The following COL25A1 variants were observed in gnomAD, a reference collection of about 807,000 sequenced individuals.
The protein encoded by COL25A1 is collagen alpha-1(XXV) chain.
A neutral mutation model predicts 128.4 loss-of-function variants in COL25A1; 103 were observed. The ratio of observed to expected loss-of-function variants is 0.80; its 90% confidence interval spans 0.68 to 0.94. The LOEUF is 0.94. Ranked by LOEUF, COL25A1 falls within the 40% of genes least tolerant of loss-of-function variation. The pLI is 0.00. For synonymous variants in COL25A1, 279 were observed against 277.2 expected (o/e 1.01, Z -0.06); for missense variants, 745 against 840.0 (o/e 0.89, Z 1.40).
At chr4:109,276,492 T>C (rs1202766657) in intron 3 of COL25A1, among the ~76,000 whole-genome samples, 2 of 152,066 alleles carry the variant, frequency 1.3e-5, no homozygotes, top group Non-Finnish European at 2.9e-5. Context: ...TAACTATTTA[T>C]AGTATAATTC....
At chr4:109,099,539 A>G (rs1219264852) in intron 3 of COL25A1, among the ~76,000 whole-genome samples, 1 of 152,018 alleles carries the variant, frequency 6.6e-6, no homozygotes, top group Admixed American at 6.6e-5. Context: ...AAATAGAATT[A>G]TGGAACTTGT....
chr4:108,964,665 T>C (rs1197730423), intron 8 of COL25A1, among the ~76,000 whole-genome samples: 1 of 152,088 alleles, frequency 6.6e-6, no homozygotes, highest in Non-Finnish European at 1.5e-5. Flanking sequence ...ACATCTACCA[T>C]TGTTTGTAAA....
chr4:109,195,215 C>G (rs1775930587), intron 3 of COL25A1, among the ~76,000 whole-genome samples: 1 of 152,174 alleles, frequency 6.6e-6, no homozygotes, highest in Non-Finnish European at 1.5e-5. Flanking sequence ...CCACTGGTCC[C>G]AGGAGGATGA....
At chr4:108,993,176 C>T (rs980942778) in intron 6 of COL25A1, among the ~76,000 whole-genome samples, 15 of 152,128 alleles carry the variant, frequency 9.9e-5, no homozygotes, top group Admixed American at 2.6e-4. Context: ...AACATCATCC[C>T]ACACTCCCAC....
intron 3 of COL25A1, among the ~76,000 whole-genome samples, chr4:109,174,680 T>A (rs973847040): frequency 7.9e-5 from 12 of 152,166 alleles, no homozygotes; most frequent in African/African-American, 2.9e-4. Flanking sequence ...TGTTCCACCA[T>A]CCCCAGAACT....
intron 3 of COL25A1, among the ~76,000 whole-genome samples, chr4:109,164,804 TATTG>T (rs1244644431): frequency 2.6e-5 from 4 of 152,240 alleles, no homozygotes; most frequent in Non-Finnish European, 2.9e-5. Flanking sequence ...TGCTTTATGA[TATTG>T]ATTAACAATA....
At chr4:109,214,177 C>T (rs1777804015) in intron 3 of COL25A1, among the ~76,000 whole-genome samples, 1 of 152,042 alleles carries the variant, frequency 6.6e-6, no homozygotes, top group Admixed American at 6.6e-5. Context: ...TCTGTGTCCT[C>T]AGCCTCATAA....
chr4:109,260,598 C>A (rs913775275), intron 3 of COL25A1, among the ~76,000 whole-genome samples: 1 of 152,128 alleles, frequency 6.6e-6, no homozygotes, highest in African/African-American at 2.4e-5. Context: ...CAGGTTCAAG[C>A]CATTCTCCTG....
Position 108,940,561 on chromosome 4 carries a change from G to A in COL25A1, c.650C>T (p.Pro217Leu). ...CACGGGTACTCCTGGCATTCCACGGGGGCCATCTTTCCCTGTGTCCCCAGG... is the reference window on the plus strand; with the variant it reads ...CACGGGTACTCCTGGCATTCCACGGAGGCCATCTTTCCCTGTGTCCCCAGG... ...GPPGDTGKDGPRGMPGVPGEP... is the reference protein window; with the variant it reads ...GPPGDTGKDGLRGMPGVPGEP... Residue 217 changes from proline to leucine, a missense_variant, in exon 10 of 38, where the codon CCC (proline) becomes CTC (leucine). Physicochemically the swap from Pro to Leu is moderately conservative, Grantham distance 98. Coordinates refer to ENST00000399132, the MANE Select transcript of COL25A1 (RefSeq NM_198721.4). 6.2e-7 allele frequency: 1 copy of A among 1,613,902 alleles called. No homozygotes were observed. Among genetic ancestry groups the A allele is most frequent in the Non-Finnish European group, 8.5e-7 (1 of 1,179,828 alleles).
intron 3 of COL25A1, among the ~76,000 whole-genome samples, chr4:109,218,357 G>GTTTTTTGTTTGTTTGTTTGTT (rs1778164499): frequency 2.2e-4 from 16 of 73,504 alleles, no homozygotes; most frequent in African/African-American, 8.4e-4. Context: ...GTTTTTTGGG[G>GTTTTTTGTTTGTTTGTTTGTT]TTTTTTTTTT....
At chr4:109,100,210 A>G (rs1367607747) in intron 3 of COL25A1, among the ~76,000 whole-genome samples, 1 of 152,158 alleles carries the variant, frequency 6.6e-6, no homozygotes, top group Admixed American at 6.5e-5. Flanking sequence ...GGAGGCACTC[A>G]AGGGTTTGTT....
intron 3 of COL25A1, among the ~76,000 whole-genome samples, chr4:109,106,038 G>A (rs1477822037): frequency 6.6e-6 from 1 of 152,138 alleles, no homozygotes; most frequent in African/African-American, 2.4e-5. Flanking sequence ...ATGAACTACT[G>A]TGCTTTCTAC....
intron 3 of COL25A1, among the ~76,000 whole-genome samples, chr4:109,144,458 C>A (rs1222755451): frequency 6.6e-6 from 1 of 152,220 alleles, no homozygotes; most frequent in East Asian, 1.9e-4. Context: ...TCACAGTCAG[C>A]AGGGAAGAAC....
At chr4:108,933,934 C>T (rs979124114) in intron 11 of COL25A1, among the ~76,000 whole-genome samples, 1 of 151,968 alleles carries the variant, frequency 6.6e-6, no homozygotes, top group African/African-American at 2.4e-5. Context: ...CACGATTCCT[C>T]AAGGATCTAG....
intron 3 of COL25A1, among the ~76,000 whole-genome samples, chr4:109,169,314 T>C (rs1224624791): frequency 2.6e-5 from 4 of 152,198 alleles, no homozygotes; most frequent in Non-Finnish European, 5.9e-5. Flanking sequence ...CCTTCTCTAA[T>C]GTAGCCAGGA....
chr4:109,066,808 G>A (rs1391877557), intron 3 of COL25A1, among the ~76,000 whole-genome samples: 1 of 152,018 alleles, frequency 6.6e-6, no homozygotes, highest in East Asian at 1.9e-4. Context: ...GACTACAGGT[G>A]CATGACACCA....
At chr4:108,832,973 T>TAATAAATAAATAAATAAATAAATA (rs67907672) in intron 31 of COL25A1, among the ~76,000 whole-genome samples, 1,440 of 106,144 alleles carry the variant, frequency 0.014, 9 homozygotes, top group South Asian at 0.028. Context: ...TCTCAAAAAA[T>TAATAAATAAATAAATAAATAAATA]AATAAATAAA....
At chr4:109,090,397 A>T (rs1764789968) in intron 3 of COL25A1, among the ~76,000 whole-genome samples, 1 of 152,150 alleles carries the variant, frequency 6.6e-6, no homozygotes, top group Admixed American at 6.5e-5. Context: ...ATGACTTTTC[A>T]TCTTAATTAA....
intron 3 of COL25A1, among the ~76,000 whole-genome samples, chr4:109,120,210 A>G (rs190047656): frequency 6.6e-6 from 1 of 152,316 alleles, no homozygotes; most frequent in Admixed American, 6.5e-5. Context: ...TCCAGTTTAG[A>G]TCAGGAACAA....
Sources: gnomAD v4.1 joint callset for allele counts (sites outside exome capture counted in the v4.1 genomes callset) on GRCh38, gnomAD v4.1.1 for gene constraint, MANE v1.5 for transcripts, NCBI Gene and HGNC (gene_info 2026-07-23, HGNC 2026-07-21) for gene names.